NBPF8: variants seen among roughly 807,000 people sequenced by gnomAD.
NBPF8 encodes the protein NBPF member 8.
chr1:120,434,423 A>G (rs1347206033), upstream of NBPF8, among the ~76,000 whole-genome samples: 4 of 146,740 alleles, frequency 2.7e-5, no homozygotes, highest in Non-Finnish European at 4.5e-5. Context: ...TATTATATAT[A>G]TATATACGTG....
At chr1:120,460,838 A>G (rs1480377769) in intron 18 of NBPF8, among the ~76,000 whole-genome samples, 5 of 152,068 alleles carry the variant, frequency 3.3e-5, no homozygotes, top group Admixed American at 1.3e-4. Flanking sequence ...AAAGTTGACC[A>G]TACCTCAAAA....
intron 1 of NBPF8, among the ~76,000 whole-genome samples, 99 bp downstream of exon 2, chr1:120,420,217 G>A (rs1308052651): frequency 9.3e-4 from 142 of 151,942 alleles, no homozygotes; most frequent in Non-Finnish European, 1.4e-3. Context: ...CCTAAACATC[G>A]CAGGGCCTTG....
At chr1:120,451,772 C>T (rs1464921117) in intron 12 of NBPF8, among the ~76,000 whole-genome samples, 1 of 148,012 alleles carries the variant, frequency 6.8e-6, no homozygotes, top group African/African-American at 2.5e-5. Context: ...CTAGTGGCCG[C>T]AAGATGCACT....
chr1:120,431,310 TC>T, intron 3 of NBPF8, among the ~76,000 whole-genome samples: 1 of 104,204 alleles, frequency 9.6e-6, no homozygotes, highest in African/African-American at 4.7e-5. Context: ...GATTATCATC[TC>T]CAAATAGGGA....
chr1:120,452,338 T>C lies in NBPF8; in HGVS notation n.2289+7T>C. 7.3e-7 allele frequency: 1 copy of C among 1,361,028 alleles called. No individual in the cohort carries two copies. Among genetic ancestry groups the C allele is most frequent in the Non-Finnish European group, 1.0e-6 (1 of 960,774 alleles). 84.3% of individuals were successfully genotyped at this position (1,361,028 alleles called of 1,614,324 possible). On this transcript the variant is annotated splice_region_variant and intron_variant and non_coding_transcript_variant, in intron 13 of 24. Coordinates refer to ENST00000583271, the Ensembl canonical transcript of NBPF8. The stretch of plus-strand genomic sequence containing the variant: ...GTCCAAAAGCTCAGCCCAGGTAAGG[T>C]GGCCATAGGCCCTGATGACCCAAAA...
At chr1:120,468,144 C>CATG (rs1411878199), downstream of NBPF8, among the ~76,000 whole-genome samples, 11 of 150,758 alleles carry the variant, frequency 7.3e-5, no homozygotes, top group East Asian at 2.0e-3. Flanking sequence ...CAGTCAATTA[C>CATG]ATGATGTGTT....
At chr1:120,424,842 A>G (rs1440994087) in intron 1 of NBPF8, among the ~76,000 whole-genome samples, 1 of 130,760 alleles carries the variant, frequency 7.6e-6, no homozygotes, top group Non-Finnish European at 1.6e-5. Context: ...TACTAAGAAA[A>G]ATTCTTTTGC....
upstream of NBPF8, among the ~76,000 whole-genome samples, chr1:120,431,525 G>T (rs1184260852): frequency 2.1e-4 from 32 of 151,702 alleles, no homozygotes; most frequent in East Asian, 5.2e-3. Context: ...AATTAGCATA[G>T]GAAAAGATGC....
At chr1:120,430,921 A>G (rs1411409603) in intron 3 of NBPF8, among the ~76,000 whole-genome samples, 10 of 151,908 alleles carry the variant, frequency 6.6e-5, no homozygotes, top group Middle Eastern at 3.4e-3. Context: ...AGTTCTTCGT[A>G]AATTGATCTC....
chr1:120,451,872 T>A (rs1661284448), intron 12 of NBPF8, among the ~76,000 whole-genome samples: 2 of 151,568 alleles, frequency 1.3e-5, no homozygotes, highest in African/African-American at 4.8e-5. Context: ...CACCTACTTT[T>A]GTTTACAGAA....
At chr1:120,429,065 TG>T (rs1373006808) in intron 3 of NBPF8, among the ~76,000 whole-genome samples, 1 of 152,116 alleles carries the variant, frequency 6.6e-6, no homozygotes, top group Non-Finnish European at 1.5e-5. Context: ...TTATGCCACT[TG>T]GGGCTTGTCC....
At chr1:120,428,737 G>C (rs1660789527) in intron 3 of NBPF8, among the ~76,000 whole-genome samples, 1 of 149,098 alleles carries the variant, frequency 6.7e-6, no homozygotes, top group African/African-American at 2.5e-5. Context: ...CCCTCAGCCT[G>C]TCAGTCTCTG....
chr1:120,454,861 C>T (rs1294039782), intron 15 of NBPF8, among the ~76,000 whole-genome samples: 1 of 142,370 alleles, frequency 7.0e-6, no homozygotes, highest in Non-Finnish European at 1.5e-5. Flanking sequence ...ACCACAGGTG[C>T]ACAACATCAC....
chr1:120,460,148 G>A (rs1429494799), intron 17 of NBPF8, among the ~76,000 whole-genome samples: 26 of 152,132 alleles, frequency 1.7e-4, no homozygotes, highest in Non-Finnish European at 2.8e-4. Context: ...GTTTCATTTT[G>A]ACTCAAGAGC....
intron 3 of NBPF8, among the ~76,000 whole-genome samples, chr1:120,428,839 A>G (rs1698652): frequency 5.9e-5 from 9 of 151,736 alleles, no homozygotes; most frequent in African/African-American, 2.2e-4. Flanking sequence ...AAATAAACTA[A>G]CCCTTTATAA....
At chr1:120,424,440 C>T (rs1660653347) in intron 1 of NBPF8, among the ~76,000 whole-genome samples, 4 of 151,710 alleles carry the variant, frequency 2.6e-5, no homozygotes, top group South Asian at 4.2e-4. Flanking sequence ...AGTAGTGAAC[C>T]GTCTTTATTT....
At chr1:120,416,380 G>A (rs1423039786), upstream of NBPF8, among the ~76,000 whole-genome samples, 3 of 110,314 alleles carry the variant, frequency 2.7e-5, no homozygotes, top group Admixed American at 1.0e-4. Context: ...CAAGGTGGGC[G>A]GATCACTTGA....
At position 120,465,797 on chromosome 1, in the gene NBPF8, TTTCA is replaced by T. The variant is rs1661727035; in HGVS notation, n.3569-178_3569-175del. 8.5e-5 allele frequency among the ~76,000 whole-genome samples: 13 copies of T among 152,302 alleles called. No homozygotes were observed. The South Asian group carries it at 2.3e-3, about 27-fold the overall frequency. On this transcript the variant is annotated intron_variant and non_coding_transcript_variant, in intron 24 of 24. Coordinates refer to ENST00000583271, the Ensembl canonical transcript of NBPF8. ...CTGTCTCTCTCTCTCTGTCTTTCTC[TTTCA>T]TTGTTTTCTACCTGGCCCTGTTCTA...
At chr1:120,436,412 A>C (rs1181918868) in exon 1 of NBPF8, 23 of 1,256,156 alleles carry the variant, frequency 1.8e-5, no homozygotes, top group African/African-American at 1.2e-4. Flanking sequence ...AGTTACTGAC[A>C]TCCCTCAGTC....
Sources: allele counts gnomAD v4.1 joint callset (sites outside exome capture counted in the v4.1 genomes callset), GRCh38; gene constraint gnomAD v4.1.1; transcripts MANE v1.5; gene names NCBI Gene and HGNC (gene_info 2026-07-23, HGNC 2026-07-21).